DNAH11: variants seen among roughly 807,000 people sequenced by gnomAD.
The protein encoded by DNAH11 is dynein axonemal heavy chain 11.
In DNAH11, 442 loss-of-function variants were observed where a neutral mutation model predicts 526.0. That is an observed-to-expected ratio of 0.84 (90% confidence interval 0.78 to 0.91). DNAH11 has a LOEUF of 0.91. DNAH11 is among the 40% of genes least tolerant of loss of function. The pLI, the probability that DNAH11 is intolerant of heterozygous loss-of-function variation, is 0.00. For missense variants in DNAH11, 6,989 were observed against 5,448.7 expected, an observed-to-expected ratio of 1.28 and a Z score of -8.90; for synonymous variants, 2,461 against 1,935.9, an observed-to-expected ratio of 1.27 and a Z score of -7.12.
At chr7:21,649,198 T>C (rs1787510194) in intron 28 of DNAH11, among the ~76,000 whole-genome samples, 1 of 152,230 alleles carries the variant, frequency 6.6e-6, no homozygotes, top group Non-Finnish European at 1.5e-5. Context: ...ACCAGTATTA[T>C]AAGTTAGTAC....
At chr7:21,744,631 A>G (rs556310431) in intron 50 of DNAH11, 32 bp downstream of exon 50, 1 of 1,606,376 alleles carries the variant, frequency 6.2e-7, no homozygotes, top group East Asian at 2.2e-5. Context: ...GTCACTACTT[A>G]CTCCAACACC....
chr7:21,710,363 A>T (rs1784414960), intron 40 of DNAH11, among the ~76,000 whole-genome samples, 190 bp from the exon 41 acceptor site: 1 of 152,168 alleles, frequency 6.6e-6, no homozygotes, highest in Non-Finnish European at 1.5e-5. Flanking sequence ...CTTCTCAGTG[A>T]GGTGAAACTT....
chr7:21,868,978 G>A lies in DNAH11; in HGVS notation c.11954G>A (p.Trp3985Ter), dbSNP rs1474675536. Reference sequence around the variant, plus strand: ...GAGAAAGCTTCCAAAGGAGGACACTGGGTCATCCTCCAAGTGAGTATTAAG... The same window carrying A: ...GAGAAAGCTTCCAAAGGAGGACACTAGGTCATCCTCCAAGTGAGTATTAAG... ...ALEKASKGGH[W>*]VILQNVHLVA... Residue 3985 changes from tryptophan (W) to a stop codon, truncating the protein, a stop_gained, in exon 73 of 82, where the codon TGG becomes TAG. Transcript: ENST00000409508. LOFTEE classifies it high-confidence loss of function. The A allele has an allele frequency of 6.2e-7, 1 of 1,613,848 alleles. No individual in the cohort carries two copies. The highest frequency in any genetic ancestry group is 8.5e-7 in the Non-Finnish European group (1 of 1,179,890).
Position 21,892,531 on chromosome 7 carries a change from C to T in DNAH11, c.12614C>T (p.Ala4205Val), listed in dbSNP as rs571133254. 5.6e-6 allele frequency: 9 copies of T among 1,613,880 alleles called. No homozygotes were observed. The highest frequency in any genetic ancestry group is 2.2e-5 in the East Asian group (1 of 44,896). Residue 4205 changes from alanine (A) to valine (V), a missense_variant, in exon 77 of 82, where the codon GCA becomes GTA. By Grantham distance (64) the Ala-to-Val change is moderately conservative. Transcript: ENST00000409508. Reference sequence around the variant, plus strand: ...GAGATGCTTCCTCCAGAAAGCCCGGCACTGTATGGCCTCCACCCAAATGCT... The same window carrying T: ...GAGATGCTTCCTCCAGAAAGCCCGGTACTGTATGGCCTCCACCCAAATGCT... ...IEEMLPPESPALYGLHPNAEI... is the reference protein window; with the variant it reads ...IEEMLPPESPVLYGLHPNAEI...
chr7:21,737,158 G>A (rs953981392), intron 46 of DNAH11, among the ~76,000 whole-genome samples: 1 of 152,184 alleles, frequency 6.6e-6, no homozygotes, highest in Non-Finnish European at 1.5e-5. Flanking sequence ...GGGCAAAGAA[G>A]ATTAGGATAG....
chr7:21,898,215 C>A (rs779169726), intron 79 of DNAH11, among the ~76,000 whole-genome samples: 2 of 152,186 alleles, frequency 1.3e-5, no homozygotes, highest in African/African-American at 2.4e-5. Context: ...TTGCTTTTCT[C>A]ATTCGCCTTT....
At chr7:21,898,145 A>G (rs546964524) in intron 79 of DNAH11, among the ~76,000 whole-genome samples, 1 of 152,148 alleles carries the variant, frequency 6.6e-6, no homozygotes, top group African/African-American at 2.4e-5. Flanking sequence ...AGTTGTTACA[A>G]ATTGTCTGCA....
Position 21,659,015 on chromosome 7 carries a change from A to T in DNAH11, c.5312A>T (p.Asp1771Val). The change falls in exon 30 of 82, where the codon GAT (aspartate) becomes GTT (valine). Residue 1771 changes from aspartate (D) to valine (V), a missense_variant. Coordinates refer to ENST00000409508, the MANE Select transcript of DNAH11 (RefSeq NM_001277115.2). ...LEEGYETALKDFHKKQISQLN... is the reference protein window; with the variant it reads ...LEEGYETALKVFHKKQISQLN... ...GAAGGCTACGAAACAGCCCTGAAGG[A>T]TTTCCATAAAAAACAGGTATTACAT... is the stretch of plus-strand genomic sequence containing the variant. 1 of 1,595,504 alleles carries T rather than the reference A, an allele frequency of 6.3e-7. No individual in the cohort carries two copies. The highest frequency in any genetic ancestry group is 8.5e-7 in the Non-Finnish European group (1 of 1,171,810).
intron 2 of DNAH11, among the ~76,000 whole-genome samples, chr7:21,550,120 C>A (rs573430805): frequency 3.1e-5 from 3 of 96,442 alleles, no homozygotes; most frequent in African/African-American, 1.9e-4. Context: ...GTGCACTTTA[C>A]ATTCGTCTTT....
intron 57 of DNAH11, among the ~76,000 whole-genome samples, chr7:21,784,157 A>G (rs2127985521): frequency 6.6e-6 from 1 of 152,364 alleles, no homozygotes; most frequent in East Asian, 1.9e-4. Flanking sequence ...GTGGTACCTT[A>G]TAATTGAGTT....
intron 51 of DNAH11, among the ~76,000 whole-genome samples, chr7:21,747,135 A>G (rs1315500945): frequency 1.3e-5 from 2 of 152,244 alleles, no homozygotes; most frequent in African/African-American, 2.4e-5. Context: ...GCCTCAAAGC[A>G]TACATTAAAA....
chr7:21,736,110 C>T (rs1002889663), intron 46 of DNAH11, among the ~76,000 whole-genome samples: 2 of 152,110 alleles, frequency 1.3e-5, no homozygotes, highest in East Asian at 1.9e-4. Flanking sequence ...TGTGTTACCT[C>T]GAAACCACTG....
chr7:21,887,093 A>G (rs1478245387), intron 76 of DNAH11, among the ~76,000 whole-genome samples: 1 of 152,238 alleles, frequency 6.6e-6, no homozygotes, highest in African/African-American at 2.4e-5. Flanking sequence ...AGTGGTTAAC[A>G]TATTTGGAAA....
At chr7:21,851,490 G>A in intron 66 of DNAH11, 1 of 467,488 alleles carries the variant, frequency 2.1e-6, no homozygotes, top group Non-Finnish European at 4.4e-6. Context: ...GGCAGGCTTT[G>A]GTTAAGGAGA....
chr7:21,573,199 G>C (rs1160848287), intron 8 of DNAH11, among the ~76,000 whole-genome samples: 2 of 152,138 alleles, frequency 1.3e-5, no homozygotes, highest in Non-Finnish European at 2.9e-5. Flanking sequence ...TCCTGTCTCT[G>C]CCTAAAGCCT....
intron 70 of DNAH11, among the ~76,000 whole-genome samples, chr7:21,865,149 CCT>C (rs1368842962): frequency 2.0e-5 from 3 of 148,466 alleles, no homozygotes; most frequent in African/African-American, 7.4e-5. Context: ...AATTATCAAT[CCT>C]CATTGCATTT....
In DNAH11 at chr7:21,716,097, A is replaced by ATT. The variant is rs11381893; in HGVS notation, c.6984-1672_6984-1671dup. Among the ~76,000 whole-genome samples, 43 of 152,006 alleles carry ATT rather than the reference A, an allele frequency of 2.8e-4. 1 individual carries two copies. The South Asian group carries it at 8.3e-3, about 29-fold the overall frequency. On this transcript the variant is annotated intron_variant, in intron 42 of 81. Transcript: ENST00000409508. ...AAAGCCCACTTCTTCCTTCTGGGCT[A>ATT]TTTTTTTGAAGTTACTGCTCCTAGT...
In DNAH11 at chr7:21,598,892, T is replaced by A. The variant is rs905001057; in HGVS notation, c.2668-895T>A. ...CTGAGGATAATGGCCTCCAGCTCCA[T>A]CCATGTTCCTGCAAAGGACATGATC... On this transcript the variant is annotated intron_variant, in intron 14 of 81. Transcript: ENST00000409508. 2.0e-5 allele frequency among the ~76,000 whole-genome samples: 3 copies of A among 152,304 alleles called. No individual in the cohort carries two copies. The East Asian group carries it at 5.8e-4, about 29-fold the overall frequency.
chr7:21,655,616 C>T (rs1781978392), intron 28 of DNAH11, among the ~76,000 whole-genome samples: 1 of 152,000 alleles, frequency 6.6e-6, no homozygotes, highest in Non-Finnish European at 1.5e-5. Flanking sequence ...ATTCATCAGC[C>T]AGTATGTGAT....
Sources: gnomAD v4.1 joint callset for allele counts (sites outside exome capture counted in the v4.1 genomes callset) on GRCh38, gnomAD v4.1.1 for gene constraint, MANE v1.5 for transcripts, NCBI Gene and HGNC (gene_info 2026-07-23, HGNC 2026-07-21) for gene names.